Variants in NBAS observed in about 807,000 individuals in gnomAD.
NBAS encodes NBAS subunit of NRZ tethering complex.
A neutral mutation model predicts 302.5 loss-of-function variants in NBAS; 219 were observed. That is an observed-to-expected ratio of 0.72 (90% CI 0.65 to 0.81). The LOEUF (loss-of-function observed/expected upper bound fraction) is 0.81, where lower values mean the gene tolerates loss of function less well. NBAS is among the 30% of genes least tolerant of loss of function. The pLI is 0.00. For missense variants in NBAS, 2,932 were observed against 2,841.6 expected (o/e 1.03, Z -0.72); for synonymous variants, 1,118 against 1,021.6 (o/e 1.09, Z -1.80).
At chr2:14,861,437 G>C in the NBAS span, among the ~76,000 whole-genome samples, 1 of 152,188 alleles carries the variant, frequency 6.6e-6, no homozygotes, top group African/African-American at 2.4e-5. Flanking sequence ...AGGAAGTCTT[G>C]ACACACCTGG....
At chr2:15,342,459 A>G (rs924360202) in intron 35 of NBAS, among the ~76,000 whole-genome samples, 9 of 152,154 alleles carry the variant, frequency 5.9e-5, no homozygotes, top group Non-Finnish European at 1.0e-4. Context: ...AAAATAATAT[A>G]TGCAGTATGA....
At chr2:14,918,249 G>A in the NBAS span, among the ~76,000 whole-genome samples, 1 of 150,732 alleles carries the variant, frequency 6.6e-6, no homozygotes, top group Non-Finnish European at 1.5e-5. Flanking sequence ...GCCAGGCACT[G>A]CACTAAGCAT....
the NBAS span, among the ~76,000 whole-genome samples, chr2:14,904,920 G>A: frequency 6.6e-6 from 1 of 152,132 alleles, no homozygotes; most frequent in African/African-American, 2.4e-5. Context: ...GCAGTGGCGG[G>A]CGCCTGTAGT....
At chr2:15,323,303 T>C (rs994635403) in intron 38 of NBAS, among the ~76,000 whole-genome samples, 14 of 152,020 alleles carry the variant, frequency 9.2e-5, no homozygotes, top group Non-Finnish European at 2.9e-5. Flanking sequence ...ACATAGAAAA[T>C]CCTCACAGCT....
At chr2:15,343,477 A>C (rs1232435744) in intron 35 of NBAS, among the ~76,000 whole-genome samples, 1 of 152,134 alleles carries the variant, frequency 6.6e-6, no homozygotes, top group African/African-American at 2.4e-5. Context: ...AGCCCAAATA[A>C]AATTATTTCA....
At chr2:15,203,880 G>A (rs1666004373) in intron 48 of NBAS, among the ~76,000 whole-genome samples, 1 of 130,994 alleles carries the variant, frequency 7.6e-6, no homozygotes, top group African/African-American at 2.9e-5. Context: ...CTGTGTGTGT[G>A]TGTGTGTGCT....
the NBAS span, among the ~76,000 whole-genome samples, chr2:15,069,168 C>T: frequency 6.6e-6 from 1 of 152,224 alleles, no homozygotes; most frequent in Non-Finnish European, 1.5e-5. Context: ...TAAATTTCAA[C>T]GTGACTTTTG....
the NBAS span, among the ~76,000 whole-genome samples, chr2:14,807,212 GTT>G: frequency 2.3e-3 from 355 of 152,076 alleles, no homozygotes; most frequent in African/African-American, 7.8e-3. Flanking sequence ...ATCATGACAG[GTT>G]TTCTTTTATT....
At chr2:15,416,746 C>A (rs923417903) in intron 24 of NBAS, among the ~76,000 whole-genome samples, 1 of 143,636 alleles carries the variant, frequency 7.0e-6, no homozygotes. Flanking sequence ...ATGGAGGTTA[C>A]AGTGAGCCAA....
At chr2:15,143,429 T>C in the NBAS span, among the ~76,000 whole-genome samples, 1 of 152,276 alleles carries the variant, frequency 6.6e-6, no homozygotes, top group African/African-American at 2.4e-5. Context: ...CTGAGGCCCT[T>C]GTGATTTCAC....
chr2:15,411,731 CAAA>C (rs1676695933), intron 25 of NBAS, among the ~76,000 whole-genome samples: 1 of 152,156 alleles, frequency 6.6e-6, no homozygotes, highest in Non-Finnish European at 1.5e-5. Context: ...GGTTTTCCAT[CAAA>C]ATCACCGAAT....
At chr2:15,127,455 C>A in the NBAS span, among the ~76,000 whole-genome samples, 1 of 152,182 alleles carries the variant, frequency 6.6e-6, no homozygotes, top group Admixed American at 6.5e-5. Flanking sequence ...CCCTGTGTCG[C>A]AGCACAGCAG....
chr2:14,858,409 A>G, the NBAS span, among the ~76,000 whole-genome samples: 1 of 152,138 alleles, frequency 6.6e-6, no homozygotes, highest in Admixed American at 6.5e-5. Context: ...GAAGCAACCT[A>G]AGTGTCCATC....
At chr2:14,994,472 C>T in the NBAS span, among the ~76,000 whole-genome samples, 2 of 152,122 alleles carry the variant, frequency 1.3e-5, no homozygotes, top group Non-Finnish European at 2.9e-5. Context: ...CCTGCATGTG[C>T]CAGGGTGGGC....
chr2:14,807,441 G>A, the NBAS span, among the ~76,000 whole-genome samples: 2 of 118,040 alleles, frequency 1.7e-5, no homozygotes, highest in Non-Finnish European at 3.3e-5. Context: ...TTCAAATCCC[G>A]TGTGTGTGTG....
the NBAS span, among the ~76,000 whole-genome samples, chr2:15,051,911 A>G: frequency 6.6e-6 from 1 of 151,138 alleles, no homozygotes; most frequent in Non-Finnish European, 1.5e-5. Flanking sequence ...TTTTTTCAAG[A>G]GCCAGTTAAA....
chr2:14,919,645 G>A, the NBAS span, among the ~76,000 whole-genome samples: 15 of 152,270 alleles, frequency 9.9e-5, no homozygotes, highest in South Asian at 1.0e-3. Context: ...CTAAGGATAC[G>A]TAATAATCTA....
intron 21 of NBAS, among the ~76,000 whole-genome samples, chr2:15,438,330 G>A (rs1189425610): frequency 6.6e-6 from 1 of 152,140 alleles, no homozygotes; most frequent in African/African-American, 2.4e-5. Context: ...TAGGCTCCAT[G>A]ACAACAGGGA....
At chr2:15,518,128 G>GA (rs1662489179) in intron 9 of NBAS, among the ~76,000 whole-genome samples, 1 of 93,484 alleles carries the variant, frequency 1.1e-5, no homozygotes, top group South Asian at 3.3e-4. Context: ...GAAGTCTAGG[G>GA]GAAAAAAAAA....
Sources: gnomAD v4.1 joint callset for allele counts (sites outside exome capture counted in the v4.1 genomes callset) on GRCh38, gnomAD v4.1.1 for gene constraint, MANE v1.5 for transcripts, NCBI Gene and HGNC (gene_info 2026-07-23, HGNC 2026-07-21) for gene names.